Variants in APCDD1 observed in about 807,000 individuals in gnomAD.
The protein encoded by APCDD1 is APC down-regulated 1.
In APCDD1, 15 loss-of-function variants were observed where a neutral mutation model predicts 38.1. The ratio of observed to expected loss-of-function variants is 0.39; its 90% confidence interval spans 0.26 to 0.61. The LOEUF is 0.61. Ranked by LOEUF, APCDD1 falls within the 20% of genes least tolerant of loss-of-function variation. APCDD1 has a pLI of 0.49. For synonymous variants in APCDD1, 261 were observed against 279.7 expected, an observed-to-expected ratio of 0.93 and a Z score of 0.67; for missense variants, 647 against 696.2, an observed-to-expected ratio of 0.93 and a Z score of 0.79.
Position 10,485,652 on chromosome 18 carries a change from G to A in APCDD1, c.965G>A (p.Trp322Ter). Residue 322 changes from tryptophan (W) to a stop codon, truncating the protein, a stop_gained, in exon 4 of 5, where the codon TGG (tryptophan) becomes TAG (stop). Transcript: ENST00000355285. LOFTEE classifies it high-confidence loss of function. This position sits in a 1 kb window ranked among gnomAD's most constrained non-coding sequence, Gnocchi z 5.8. The stretch of plus-strand genomic sequence containing the variant: ...ATCTTCCATGACAACAACAACACCT[G>A]GGAGGGCCACTACTACCACTACTCA... Reference protein sequence around the residue: ...HFIFHDNNNTWEGHYYHYSDP... With the variant: ...HFIFHDNNNT The A allele has an allele frequency of 6.2e-7, 1 of 1,614,150 alleles. No individual in the cohort carries two copies. The highest frequency in any genetic ancestry group is 8.5e-7 in the Non-Finnish European group (1 of 1,180,030).
At chr18:10,459,161 CTGGCCGAA>C (rs1374089627) in intron 1 of APCDD1, among the ~76,000 whole-genome samples, 11 of 152,250 alleles carry the variant, frequency 7.2e-5, no homozygotes, top group African/African-American at 2.7e-4. Context: ...GCCAGGTCCA[CTGGCCGAA>C]AGGTAGCATT....
At position 10,475,797 on chromosome 18, in the gene APCDD1, G is replaced by GGA. The variant is rs2030982498; in HGVS notation, c.774+3737_774+3738insAG. 6.6e-6 allele frequency: 1 copy of GGA among 151,188 alleles called. No individual in the cohort carries two copies. Among genetic ancestry groups the GGA allele is most frequent in the African/African-American group, 2.5e-5 (1 of 40,620 alleles). 9.4% of individuals were successfully genotyped at this position (151,188 alleles called of 1,614,324 possible). On this transcript the variant is annotated intron_variant, in intron 3 of 4. Coordinates refer to ENST00000355285, the MANE Select transcript of APCDD1 (RefSeq NM_153000.5). The surrounding 1 kb of genome is among the most constrained non-coding windows in gnomAD (Gnocchi z 4.0). ...AGCTGCCTCGCAAGATGGCTGAGGG[G>GGA]GGGGGGGGTCAGTGGAAGGCCGAGT... is the stretch of plus-strand genomic sequence containing the variant.
Position 10,485,828 on chromosome 18 carries a change from C to G in APCDD1, c.1096+45C>G. ...TCCCAGTATCACAGCCAATAAACAG[C>G]CCTGTGACATTTTTGTGGAGGCAGA... On this transcript the variant is annotated intron_variant, in intron 4 of 4. Transcript: ENST00000355285. The surrounding 1 kb of genome is among the most constrained non-coding windows in gnomAD (Gnocchi z 5.8). 1 of 1,591,926 alleles carries G rather than the reference C, an allele frequency of 6.3e-7. No homozygotes were observed. Among genetic ancestry groups the G allele is most frequent in the Non-Finnish European group, 8.6e-7 (1 of 1,168,942 alleles).
intron 1 of APCDD1, among the ~76,000 whole-genome samples, chr18:10,455,354 A>G: frequency 6.6e-6 from 1 of 152,218 alleles, no homozygotes; most frequent in Admixed American, 6.5e-5. Flanking sequence ...GTCCGAGGGA[A>G]ACTTTCGTCC....
chr18:10,485,925 C>T lies in APCDD1; in HGVS notation c.1096+142C>T, dbSNP rs1234789813. On this transcript the variant is annotated intron_variant, in intron 4 of 4. Coordinates refer to ENST00000355285, the MANE Select transcript of APCDD1 (RefSeq NM_153000.5). The surrounding 1 kb of genome is among the most constrained non-coding windows in gnomAD (Gnocchi z 5.8). ...TTGGGGAGTCATTTCTGCCTCAGTC[C>T]TTCCCAACGCCCTCTGAGTTTCTCC... 1.9e-5 allele frequency: 18 copies of T among 925,020 alleles called. No individual in the cohort carries two copies. The East Asian group carries it at 4.2e-4, about 22-fold the overall frequency. The allele number at this position is 925,020 out of a possible 1,614,324, so 57.3% of individuals were successfully genotyped here. A position where few individuals can be genotyped will look rare whatever the true frequency, so the allele number is the denominator to read the frequency against.
chr18:10,470,349 A>G lies in APCDD1; in HGVS notation c.243-1181A>G, dbSNP rs2030821363. Among the ~76,000 whole-genome samples, 1 of 152,128 alleles carries G rather than the reference A, an allele frequency of 6.6e-6. No homozygotes were observed. Among genetic ancestry groups the G allele is most frequent in the Non-Finnish European group, 1.5e-5 (1 of 68,018 alleles). ...GGGGTGTTTGCTCTCTCCTTTTTCT[A>G]AGATTACAGATACCCCAGGTACTGT... On this transcript the variant is annotated intron_variant, in intron 2 of 4. Transcript: ENST00000355285. The surrounding 1 kb of genome is among the most constrained non-coding windows in gnomAD (Gnocchi z 4.1).
Position 10,470,867 on chromosome 18 carries a change from C to T in APCDD1, c.243-663C>T, listed in dbSNP as rs376723454. ...CATTCATCTAAGGCCACACTGGCAA[C>T]CATCATAAACAAAAGGAACCCTTAT... On this transcript the variant is annotated intron_variant, in intron 2 of 4. Transcript: ENST00000355285. The surrounding 1 kb of genome is among the most constrained non-coding windows in gnomAD (Gnocchi z 4.1). 2.6e-5 allele frequency among the ~76,000 whole-genome samples: 4 copies of T among 152,182 alleles called. No homozygotes were observed. In the East Asian group the frequency reaches 5.8e-4, roughly 22 times the overall value.
Position 10,476,599 on chromosome 18 carries a change from GAGATGCCAGAGCCTC to G in APCDD1, c.774+4541_774+4555del, listed in dbSNP as rs1240657054. 6.6e-6 allele frequency: 1 copy of G among 152,216 alleles called. No homozygotes were observed. The highest frequency in any genetic ancestry group is 2.4e-5 in the African/African-American group (1 of 41,444). The allele number at this position is 152,216 out of a possible 1,614,324, so 9.4% of individuals were successfully genotyped here. A position where few individuals can be genotyped will look rare whatever the true frequency, so the allele number is the denominator to read the frequency against. On this transcript the variant is annotated intron_variant, in intron 3 of 4. Coordinates refer to ENST00000355285, the MANE Select transcript of APCDD1 (RefSeq NM_153000.5). The surrounding 1 kb of genome is among the most constrained non-coding windows in gnomAD (Gnocchi z 5.8). ...AAGCAAATGATTGCCAAGGTCGTTA[GAGATGCCAGAGCCTC>G]AGGATCAGACTCGTAAGCAAATGGA...
At chr18:10,460,552 A>C (rs185926497) in intron 1 of APCDD1, among the ~76,000 whole-genome samples, 1 of 151,990 alleles carries the variant, frequency 6.6e-6, no homozygotes, top group Middle Eastern at 3.4e-3. Context: ...AAAACAAAAA[A>C]CAAACAAGCA....
chr18:10,458,301 T>C (rs984487081), intron 1 of APCDD1, among the ~76,000 whole-genome samples: 1 of 152,268 alleles, frequency 6.6e-6, no homozygotes, highest in Admixed American at 6.5e-5. Flanking sequence ...AGCTCTCTCC[T>C]TTCATTAAAG....
chr18:10,487,026 A>G lies in APCDD1; in HGVS notation c.1097-564A>G, dbSNP rs555657555. On this transcript the variant is annotated intron_variant, in intron 4 of 4. Transcript: ENST00000355285. ...GGACCTTCAGAAGCAATTCTCCACA[A>G]AAGCTGGGATTTGTATTTAATTTAT... 5.9e-5 allele frequency among the ~76,000 whole-genome samples: 9 copies of G among 152,300 alleles called. No homozygotes were observed. In the East Asian group the frequency reaches 1.7e-3, roughly 29 times the overall value.
chr18:10,463,337 A>G (rs1447224521), intron 1 of APCDD1, among the ~76,000 whole-genome samples: 1 of 152,152 alleles, frequency 6.6e-6, no homozygotes, highest in East Asian at 1.9e-4. Context: ...TGCTATGTCC[A>G]GAACAGTGCC....
intron 1 of APCDD1, among the ~76,000 whole-genome samples, chr18:10,455,852 C>A (rs1337473183): frequency 6.6e-6 from 1 of 152,098 alleles, no homozygotes; most frequent in African/African-American, 2.4e-5. Context: ...GGTTTTATGG[C>A]GCGTCGGGTT....
Position 10,485,552 on chromosome 18 carries a change from A to G in APCDD1, c.865A>G (p.Ile289Val), listed in dbSNP as rs114821361. The G allele has an allele frequency of 2.0e-3, 3,274 of 1,614,136 alleles. 20 individuals carry two copies. The highest frequency in any genetic ancestry group is 1.6e-3 in the Non-Finnish European group (1,880 of 1,180,026). The stretch of plus-strand genomic sequence containing the variant: ...CCTGCCCCCAAAGGCAGACCTGACC[A>G]TCGGCCTGCACGGGGAGTGGGTGAG... ...PILPPKADLT[I>V]GLHGEWVSQR... The change falls in exon 4 of 5, where the codon ATC becomes GTC. Residue 289 changes from isoleucine (I) to valine (V), a missense_variant. Ile to Val is a conservative substitution (Grantham distance 29). Coordinates refer to ENST00000355285, the MANE Select transcript of APCDD1 (RefSeq NM_153000.5). The surrounding 1 kb of genome is among the most constrained non-coding windows in gnomAD (Gnocchi z 5.8).
In APCDD1 at chr18:10,487,582, C is replaced by G. The variant is rs1568008955; in HGVS notation, c.1097-8C>G. 1.9e-6 allele frequency: 3 copies of G among 1,613,832 alleles called. No homozygotes were observed. Among genetic ancestry groups the G allele is most frequent in the Non-Finnish European group, 2.5e-6 (3 of 1,180,010 alleles). On this transcript the variant is annotated splice_polypyrimidine_tract_variant and splice_region_variant and intron_variant, in intron 4 of 4. Coordinates refer to ENST00000355285, the MANE Select transcript of APCDD1 (RefSeq NM_153000.5). The stretch of plus-strand genomic sequence containing the variant: ...TGGAGTCATGGAACTCTCCTTTCTC[C>G]TTTGCAGTGAATCACATGAAGGTCA...
chr18:10,485,477 T>G lies in APCDD1; in HGVS notation c.790T>G (p.Cys264Gly). The G allele has an allele frequency of 3.1e-6, 5 of 1,614,112 alleles. No individual in the cohort carries two copies. Among genetic ancestry groups the G allele is most frequent in the Non-Finnish European group, 4.2e-6 (5 of 1,180,040 alleles). ...LQNAKNHDHA[C>G]IACRIIYRSD... is the part of the protein sequence containing the mutation. ...TTGGCTTCAGAACCACGACCATGCC[T>G]GCATCGCCTGTCGGATCATCTATCG... The change falls in exon 4 of 5, where the codon TGC (cysteine) becomes GGC (glycine). Residue 264 changes from cysteine to glycine, a missense_variant. Physicochemically the swap from Cys to Gly is radical, Grantham distance 159. Transcript: ENST00000355285. The surrounding 1 kb of genome is among the most constrained non-coding windows in gnomAD (Gnocchi z 5.8).
At chr18:10,486,268 C>G (rs575274759) in intron 4 of APCDD1, among the ~76,000 whole-genome samples, 1 of 152,158 alleles carries the variant, frequency 6.6e-6, no homozygotes, top group African/African-American at 2.4e-5. Flanking sequence ...CTAGGAGGAT[C>G]GCTTGAGCCC....
intron 3 of APCDD1, among the ~76,000 whole-genome samples, chr18:10,483,149 C>T (rs1316867517): frequency 6.6e-6 from 1 of 152,228 alleles, no homozygotes; most frequent in African/African-American, 2.4e-5. Context: ...AGCTGTGAAG[C>T]GGCCGGGGCT....
rs1372169701 is a variant in APCDD1, at chr18:10,476,865, A to T, written c.774+4804A>T. ...CTGTGCTTTCTCTCTCAAATTCTTT[A>T]GGAGCCGCTAGGCTGGAGCCAGCAT... On this transcript the variant is annotated intron_variant, in intron 3 of 4. Transcript: ENST00000355285. This position sits in a 1 kb window ranked among gnomAD's most constrained non-coding sequence, Gnocchi z 5.8. 1 of 152,264 alleles carries T rather than the reference A, an allele frequency of 6.6e-6. No homozygotes were observed. Among genetic ancestry groups the T allele is most frequent in the Non-Finnish European group, 1.5e-5 (1 of 68,054 alleles). 9.4% of individuals were successfully genotyped at this position (152,264 alleles called of 1,614,324 possible). A position where few individuals can be genotyped will look rare whatever the true frequency, so the allele number is the denominator to read the frequency against.
Sources: gnomAD v4.1 joint callset for allele counts (sites outside exome capture counted in the v4.1 genomes callset) on GRCh38, gnomAD v4.1.1 for gene constraint, Gnocchi (gnomAD v3.1) non-coding constraint, MANE v1.5 for transcripts, NCBI Gene and HGNC (gene_info 2026-07-23, HGNC 2026-07-21) for gene names.